Variants in LIN54 observed in about 807,000 individuals in gnomAD.
LIN54 encodes protein lin-54 homolog.
In LIN54, 9 loss-of-function variants were observed where a neutral mutation model predicts 78.7. That is an observed-to-expected ratio of 0.11 (90% CI 0.07 to 0.20). The LOEUF is 0.20. Among genes scored for constraint, LIN54 ranks in the 10% least tolerant of loss-of-function variants. LIN54 has a pLI of 1.00. For missense variants in LIN54, 573 were observed against 889.9 expected (o/e 0.64, Z 4.53); for synonymous variants, 269 against 318.4 (o/e 0.84, Z 1.65).
chr4:82,960,762 A>G (rs1354869065), intron 4 of LIN54, among the ~76,000 whole-genome samples: 5 of 152,182 alleles, frequency 3.3e-5, no homozygotes, highest in Non-Finnish European at 7.3e-5. Flanking sequence ...ATTTCAGTGT[A>G]TAAGTAAATT....
rs757955043 is a variant in LIN54 at position 82,961,541 on chromosome 4, T to C, written c.951+8786A>G. Among the ~76,000 whole-genome samples, 15 of 152,282 alleles carry C rather than the reference T, an allele frequency of 9.9e-5. No individual in the cohort carries two copies. The East Asian group carries it at 2.9e-3, about 29-fold the overall frequency. ...AATAAAGGCTGAAAAAAAAGAGTTCTCCACTGGGTAGGAGAGCAAAACTAA... is the reference window on the plus strand; with the variant it reads ...AATAAAGGCTGAAAAAAAAGAGTTCCCCACTGGGTAGGAGAGCAAAACTAA... On this transcript the variant is annotated intron_variant, in intron 4 of 12. Transcript: ENST00000340417.
chr4:82,993,938 T>C lies in LIN54; in HGVS notation c.-32-9062A>G, dbSNP rs552718736. Among the ~76,000 whole-genome samples, 23 of 152,150 alleles carry C rather than the reference T, an allele frequency of 1.5e-4. No homozygotes were observed. The East Asian group carries it at 3.7e-3, about 24-fold the overall frequency. On this transcript the variant is annotated intron_variant, in intron 1 of 12. Transcript: ENST00000340417. ...GCCTGATATTTACATTTTTAAATGGTTGGGGCAAGGGGGAATATGACAGAC... is the reference window on the plus strand; with the variant it reads ...GCCTGATATTTACATTTTTAAATGGCTGGGGCAAGGGGGAATATGACAGAC...
At chr4:82,997,209 T>A (rs538070592) in intron 1 of LIN54, among the ~76,000 whole-genome samples, 48 of 152,196 alleles carry the variant, frequency 3.2e-4, no homozygotes, top group African/African-American at 1.2e-3. Flanking sequence ...ATTATTTACA[T>A]TGGACTTTGA....
At chr4:82,992,320 A>C (rs1727789797) in intron 1 of LIN54, among the ~76,000 whole-genome samples, 1 of 152,176 alleles carries the variant, frequency 6.6e-6, no homozygotes, top group Admixed American at 6.5e-5. Context: ...CGTAGTGGTA[A>C]ACTGTCTTCT....
intron 1 of LIN54, among the ~76,000 whole-genome samples, chr4:82,998,836 T>C (rs1728486312): frequency 6.6e-6 from 1 of 152,112 alleles, no homozygotes; most frequent in Non-Finnish European, 1.5e-5. Flanking sequence ...GTCATGAATG[T>C]ATGAAACATA....
At chr4:82,929,811 G>GAAAAC (rs1039043645) in intron 12 of LIN54, among the ~76,000 whole-genome samples, 1 of 151,994 alleles carries the variant, frequency 6.6e-6, no homozygotes, top group Admixed American at 6.6e-5. Flanking sequence ...ATCTCAAAAA[G>GAAAAC]AAAACAAAAC....
intron 8 of LIN54, 50 bp from the exon 9 acceptor site, chr4:82,937,348 AAATT>A (rs1428883320): frequency 3.4e-6 from 4 of 1,171,446 alleles, no homozygotes; most frequent in African/African-American, 3.2e-5. Flanking sequence ...ATAGTAACTA[AAATT>A]AATTTAGTTG....
chr4:82,999,104 C>T (rs535867383), intron 1 of LIN54, among the ~76,000 whole-genome samples: 12 of 152,300 alleles, frequency 7.9e-5, no homozygotes, highest in Non-Finnish European at 1.5e-4. Context: ...TCCACATGAG[C>T]AGTTCCTCCT....
chr4:83,005,367 G>A (rs1278702282), intron 1 of LIN54, among the ~76,000 whole-genome samples: 1 of 152,088 alleles, frequency 6.6e-6, no homozygotes, highest in Non-Finnish European at 1.5e-5. Flanking sequence ...GCCGGGCACG[G>A]TGGCTCACGC....
At chr4:82,979,964 A>AAAAAAAAAAAAAAAAAAC (rs1726496426) in intron 2 of LIN54, among the ~76,000 whole-genome samples, 3 of 139,576 alleles carry the variant, frequency 2.1e-5, no homozygotes, top group South Asian at 4.8e-4. Flanking sequence ...AAAAAAAAAA[A>AAAAAAAAAAAAAAAAAAC]AATACTGGGT....
intron 3 of LIN54, among the ~76,000 whole-genome samples, chr4:82,972,357 T>G (rs769150214): frequency 2.0e-5 from 3 of 152,216 alleles, no homozygotes; most frequent in Non-Finnish European, 2.9e-5. Context: ...TTTCAAAATT[T>G]CTTTGTAGTA....
chr4:82,941,178 T>C (rs1429575585), intron 5 of LIN54, among the ~76,000 whole-genome samples: 1 of 90,482 alleles, frequency 1.1e-5, no homozygotes, highest in African/African-American at 5.2e-5. Flanking sequence ...ATATATATCG[T>C]TGGCAGAGGA....
At chr4:82,999,784 A>AAAC (rs1728587450) in intron 1 of LIN54, among the ~76,000 whole-genome samples, 1 of 150,686 alleles carries the variant, frequency 6.6e-6, no homozygotes, top group Non-Finnish European at 1.5e-5. Flanking sequence ...TCTCAAAAAA[A>AAAC]AAAAAAAAAA....
At chr4:83,011,868 T>C (rs1259425074), upstream of LIN54, among the ~76,000 whole-genome samples, 1 of 147,694 alleles carries the variant, frequency 6.8e-6, no homozygotes, top group Non-Finnish European at 1.5e-5. Flanking sequence ...GAGTTAACCA[T>C]CCAAAAGCTG....
Position 82,976,539 on chromosome 4 carries a change from C to G in LIN54, c.808+2344G>C, listed in dbSNP as rs548194403. 4.6e-5 allele frequency among the ~76,000 whole-genome samples: 7 copies of G among 152,222 alleles called. No homozygotes were observed. The South Asian group carries it at 1.5e-3, about 32-fold the overall frequency. On this transcript the variant is annotated intron_variant, in intron 3 of 12. Coordinates refer to ENST00000340417, the MANE Select transcript of LIN54 (RefSeq NM_194282.4). Reference sequence around the variant, plus strand: ...CCTGGCCAACATGGTGAAACCCCGTCTCTACTAAAAATACAAAAATTAGCT... The same window carrying G: ...CCTGGCCAACATGGTGAAACCCCGTGTCTACTAAAAATACAAAAATTAGCT...
intron 12 of LIN54, among the ~76,000 whole-genome samples, chr4:82,930,704 TAGTAGAC>T (rs1721875281): frequency 4.6e-5 from 7 of 152,224 alleles, no homozygotes; most frequent in Admixed American, 4.6e-4. Flanking sequence ...TACCTCATCT[TAGTAGAC>T]AGAAATTAAG....
chr4:82,982,088 C>CT (rs1014076664), intron 2 of LIN54, among the ~76,000 whole-genome samples: 4 of 151,828 alleles, frequency 2.6e-5, no homozygotes, highest in African/African-American at 7.2e-5. Context: ...AGACCCCAGT[C>CT]TTTTTTTTAT....
chr4:82,950,746 T>A (rs1723784071), intron 4 of LIN54, among the ~76,000 whole-genome samples: 1 of 152,156 alleles, frequency 6.6e-6, no homozygotes, highest in African/African-American at 2.4e-5. Flanking sequence ...TTCTAAGCCA[T>A]TTCTTTTTAC....
chr4:82,929,238 CT>C (rs1202509834), intron 12 of LIN54, among the ~76,000 whole-genome samples: 1 of 152,008 alleles, frequency 6.6e-6, no homozygotes, highest in Non-Finnish European at 1.5e-5. Context: ...GCTAGCATAA[CT>C]TTTTTTATAC....
Sources: allele counts gnomAD v4.1 joint callset (sites outside exome capture counted in the v4.1 genomes callset), GRCh38; gene constraint gnomAD v4.1.1; transcripts MANE v1.5; gene names NCBI Gene and HGNC (gene_info 2026-07-23, HGNC 2026-07-21).